MEI1: variants seen among roughly 807,000 people sequenced by gnomAD.
The protein encoded by MEI1 is meiosis inhibitor protein 1.
In MEI1, 103 loss-of-function variants were observed where a neutral mutation model predicts 146.2. That is an observed-to-expected ratio of 0.70 (90% CI 0.60 to 0.83). The LOEUF (loss-of-function observed/expected upper bound fraction) is 0.83. Among genes scored for constraint, MEI1 ranks in the 40% least tolerant of loss-of-function variants. The pLI is 0.00. For missense variants in MEI1, 1,529 were observed against 1,533.0 expected, an observed-to-expected ratio of 1.00 and a Z score of 0.04; for synonymous variants, 652 against 628.2, an observed-to-expected ratio of 1.04 and a Z score of -0.57.
At chr22:41,744,879 A>G (rs2073170973) in intron 12 of MEI1, 94 bp from the exon 13 acceptor site, 1 of 574,364 alleles carries the variant, frequency 1.7e-6, no homozygotes, top group South Asian at 4.9e-5. Context: ...GTCAGACTGC[A>G]GTGTGAGAAG....
intron 7 of MEI1, among the ~76,000 whole-genome samples, chr22:41,729,448 A>G (rs2071664682): frequency 6.6e-6 from 1 of 152,170 alleles, no homozygotes; most frequent in Non-Finnish European, 1.5e-5. Context: ...TGAGTTTTAC[A>G]TTGTGTTCTT....
At chr22:41,705,191 T>C (rs75482385) in intron 2 of MEI1, among the ~76,000 whole-genome samples, 2 of 151,568 alleles carry the variant, frequency 1.3e-5, no homozygotes, top group Admixed American at 6.6e-5. Flanking sequence ...TTTTTTTTTT[T>C]TCTTGAGACA....
intron 6 of MEI1, among the ~76,000 whole-genome samples, chr22:41,721,746 G>T (rs1246900397): frequency 8.1e-6 from 1 of 123,686 alleles, no homozygotes; most frequent in Non-Finnish European, 1.6e-5. Context: ...TTTTGAGATG[G>T]AGTCTCGCTC....
rs372026388 is a variant in MEI1 at position 41,770,936 on chromosome 22, T to A, written c.2519T>A (p.Ile840Asn). 5.0e-6 allele frequency: 8 copies of A among 1,613,716 alleles called. No individual in the cohort carries two copies. In the African/African-American group the frequency reaches 1.1e-4, roughly 22 times the overall value. The change falls in exon 20 of 31, where the codon ATC becomes AAC. Residue 840 changes from isoleucine (I) to asparagine (N), a missense_variant. Physicochemically the swap from Ile to Asn is moderately radical, Grantham distance 149 (BLOSUM62 -3). Around this residue, in one of 3 missense-constraint regions of MEI1, gnomAD observed 1,212 missense variants for 1,178.9 expected, o/e 1.03. Transcript: ENST00000401548. ...GTCCTGTTCCAGTTGCTCAGAAGCA[T>A]CCCCAGCATCCTGCTCATCTTGCTG... ...LVVLFQLLRS[I>N]PSILLILLDL...
intron 1 of MEI1, among the ~76,000 whole-genome samples, chr22:41,700,293 G>A (rs1001306622): frequency 5.3e-5 from 8 of 152,222 alleles, no homozygotes; most frequent in Non-Finnish European, 1.2e-4. Flanking sequence ...GCCAAAGCGG[G>A]CTGCCTGGGT....
chr22:41,699,973 C>T lies in MEI1; in HGVS notation c.174+261C>T, dbSNP rs557580267. 2.1e-3 allele frequency among the ~76,000 whole-genome samples: 315 copies of T among 152,248 alleles called. 1 individual carries two copies. Among genetic ancestry groups the T allele is most frequent in the Non-Finnish European group, 3.6e-3 (243 of 68,032 alleles). ...TGAAAGGACGGAAATCCGGATCCCC[C>T]GGGACCTCACCCAGTCTCAGGGACA... On this transcript the variant is annotated intron_variant, in intron 1 of 30. Coordinates refer to ENST00000401548, the MANE Select transcript of MEI1 (RefSeq NM_152513.4).
intron 5 of MEI1, among the ~76,000 whole-genome samples, chr22:41,717,224 A>G (rs73161361): frequency 0.016 from 2,463 of 152,258 alleles, 50 homozygotes; most frequent in Admixed American, 0.058. Context: ...GCGCAGTGGC[A>G]TGATCTTGGC....
intron 11 of MEI1, among the ~76,000 whole-genome samples, chr22:41,739,362 A>T (rs2072665820): frequency 6.6e-6 from 1 of 152,136 alleles, no homozygotes; most frequent in Admixed American, 6.6e-5. Context: ...CTCAACTTGA[A>T]GCAGTGTCTC....
chr22:41,781,250 C>T (rs745722558), intron 22 of MEI1, 34 bp from the exon 23 acceptor site: 10 of 1,521,878 alleles, frequency 6.6e-6, no homozygotes, highest in Admixed American at 3.7e-5. Flanking sequence ...GAGTGTTTTG[C>T]GACAGGCCGA....
At chr22:41,726,642 G>A (rs150946194) in intron 7 of MEI1, among the ~76,000 whole-genome samples, 2 of 152,160 alleles carry the variant, frequency 1.3e-5, no homozygotes, top group African/African-American at 2.4e-5. Context: ...TACCATCAAT[G>A]GTGCATCATA....
At chr22:41,729,838 T>A in intron 8 of MEI1, 59 bp downstream of exon 8, 2 of 1,110,830 alleles carry the variant, frequency 1.8e-6, no homozygotes, top group Non-Finnish European at 2.6e-6. Context: ...TGGTGACAGG[T>A]TCAATTGTGT....
chr22:41,765,472 CGTT>C (rs779850026), intron 19 of MEI1, among the ~76,000 whole-genome samples: 7 of 152,128 alleles, frequency 4.6e-5, no homozygotes, highest in Admixed American at 2.0e-4. Flanking sequence ...CAGAGTAAGA[CGTT>C]GTCTCAAAAA....
chr22:41,777,992 C>T (rs894398171), intron 21 of MEI1, among the ~76,000 whole-genome samples: 1 of 151,296 alleles, frequency 6.6e-6, no homozygotes, highest in Non-Finnish European at 1.5e-5. Context: ...TCTCCCCTCC[C>T]TCCTCCTCCT....
At chr22:41,734,251 G>A (rs1188998927) in intron 11 of MEI1, among the ~76,000 whole-genome samples, 1 of 152,148 alleles carries the variant, frequency 6.6e-6, no homozygotes, top group African/African-American at 2.4e-5. Flanking sequence ...ATCTTCAGGG[G>A]TCCTGGAACC....
At chr22:41,701,956 G>T (rs2068747055) in intron 1 of MEI1, among the ~76,000 whole-genome samples, 1 of 152,174 alleles carries the variant, frequency 6.6e-6, no homozygotes, top group South Asian at 2.1e-4. Context: ...TACTTGAAGA[G>T]TTTGAAACCC....
At chr22:41,720,692 G>A (rs986761190) in intron 6 of MEI1, among the ~76,000 whole-genome samples, 1 of 151,784 alleles carries the variant, frequency 6.6e-6, no homozygotes, top group African/African-American at 2.4e-5. Context: ...CACCTCCCGG[G>A]TTCACGCCAT....
chr22:41,726,389 C>T (rs1291899680), intron 7 of MEI1, among the ~76,000 whole-genome samples: 4 of 152,092 alleles, frequency 2.6e-5, no homozygotes, highest in South Asian at 4.2e-4. Flanking sequence ...AACTTAAAAG[C>T]AGTAACTTAA....
At chr22:41,755,801 G>C (rs1039408982) in intron 17 of MEI1, among the ~76,000 whole-genome samples, 1 of 152,144 alleles carries the variant, frequency 6.6e-6, no homozygotes, top group African/African-American at 2.4e-5. Context: ...TGCTTTGGTG[G>C]ACAAGCACTG....
intron 6 of MEI1, 97 bp downstream of exon 6, chr22:41,718,371 T>A (rs981801491): frequency 8.7e-5 from 106 of 1,214,440 alleles, no homozygotes; most frequent in Non-Finnish European, 1.1e-4. Flanking sequence ...GGAAGTTTGC[T>A]GTTTTGCAAA....
Sources: gnomAD v4.1 joint callset for allele counts (sites outside exome capture counted in the v4.1 genomes callset) on GRCh38, gnomAD v4.1.1 for gene constraint, gnomAD v4.1.1 regional missense constraint, MANE v1.5 for transcripts, NCBI Gene and HGNC (gene_info 2026-07-23, HGNC 2026-07-21) for gene names.